Variants in NTM observed in about 807,000 individuals in gnomAD.
NTM encodes the protein IgLON family member 2.
Under a neutral mutation model 42.1 loss-of-function variants are expected in NTM, and 13 were observed. The observed-to-expected ratio is 0.31, with a 90% CI of 0.20 to 0.49. The LOEUF is 0.49. Ranked by LOEUF, NTM falls within the 20% of genes least tolerant of loss-of-function variation. The pLI, the probability that NTM is intolerant of heterozygous loss-of-function variation, is 0.99. For synonymous variants in NTM, 187 were observed against 179.2 expected (o/e 1.04, Z -0.35); for missense variants, 373 against 452.8 (o/e 0.82, Z 1.60).
intron 4 of NTM, among the ~76,000 whole-genome samples, chr11:132,243,833 G>A (rs1213991049): frequency 6.6e-6 from 1 of 152,144 alleles, no homozygotes; most frequent in Non-Finnish European, 1.5e-5. Flanking sequence ...TATGCAGCTG[G>A]CATATTGGCC....
At chr11:131,391,112 T>C (rs1381464713) in intron 1 of NTM, among the ~76,000 whole-genome samples, 2 of 152,208 alleles carry the variant, frequency 1.3e-5, no homozygotes, top group Non-Finnish European at 2.9e-5. Flanking sequence ...CTAAATGTTT[T>C]ATGTGTGATA....
chr11:131,527,613 T>G (rs1480875704), intron 1 of NTM, among the ~76,000 whole-genome samples: 1 of 152,228 alleles, frequency 6.6e-6, no homozygotes, highest in Non-Finnish European at 1.5e-5. Flanking sequence ...GACCCATCCT[T>G]GGAAAAAGCC....
chr11:131,740,061 G>T lies in NTM; in HGVS notation c.83-171503G>T, dbSNP rs1483830831. On this transcript the variant is annotated intron_variant, in intron 1 of 8. Coordinates refer to ENST00000683400, the MANE Select transcript of NTM (RefSeq NM_001352005.2). Reference sequence around the variant, plus strand: ...GACACTTTACTGCGCAGATTGCTGAGTAAGTTACTTTGGTCACCGACTCTC... The same window carrying T: ...GACACTTTACTGCGCAGATTGCTGATTAAGTTACTTTGGTCACCGACTCTC... Among the ~76,000 whole-genome samples the T allele has an allele frequency of 2.6e-5, 4 of 152,338 alleles. No homozygotes were observed. In the East Asian group the frequency reaches 7.7e-4, roughly 29 times the overall value.
intron 1 of NTM, among the ~76,000 whole-genome samples, chr11:131,799,125 T>C (rs2091883994): frequency 1.3e-5 from 2 of 152,224 alleles, no homozygotes; most frequent in African/African-American, 4.8e-5. Context: ...CTTCATTGTT[T>C]ATAACTAATA....
chr11:132,315,121 G>A, intron 7 of NTM: 1 of 980,562 alleles, frequency 1.0e-6, no homozygotes, highest in Middle Eastern at 5.2e-4. Flanking sequence ...AGCTGACTGT[G>A]GGAATCATAA....
chr11:132,080,640 T>C (rs1359532223), intron 2 of NTM, among the ~76,000 whole-genome samples: 1 of 152,212 alleles, frequency 6.6e-6, no homozygotes, highest in Non-Finnish European at 1.5e-5. Flanking sequence ...TGGGAAGCCC[T>C]TTAAGCTTCA....
chr11:131,847,862 C>T (rs2045097271), intron 1 of NTM, among the ~76,000 whole-genome samples: 1 of 152,192 alleles, frequency 6.6e-6, no homozygotes, highest in African/African-American at 2.4e-5. Context: ...TCATCCTCAA[C>T]TGTCAATACT....
chr11:132,293,727 G>C (rs2094528099), intron 4 of NTM, among the ~76,000 whole-genome samples: 1 of 151,860 alleles, frequency 6.6e-6, no homozygotes, highest in Admixed American at 6.6e-5. Flanking sequence ...CAATCAAAAG[G>C]AGAATACTAT....
intron 1 of NTM, among the ~76,000 whole-genome samples, chr11:131,871,398 A>G (rs111490146): frequency 0.016 from 2,383 of 152,332 alleles, 59 homozygotes; most frequent in African/African-American, 0.052. Flanking sequence ...GTGGAATATA[A>G]ATCATGAGTA....
At chr11:131,997,884 G>A (rs1203497463) in intron 2 of NTM, among the ~76,000 whole-genome samples, 1 of 152,080 alleles carries the variant, frequency 6.6e-6, no homozygotes, top group African/African-American at 2.4e-5. Context: ...GCATTTCAGT[G>A]CTTTGAACTG....
chr11:131,625,440 A>G (rs1217618874), intron 1 of NTM, among the ~76,000 whole-genome samples: 1 of 152,172 alleles, frequency 6.6e-6, no homozygotes, highest in East Asian at 1.9e-4. Context: ...GATTAATAGA[A>G]ATTAGTCCAC....
At chr11:131,681,201 G>GCA (rs2072697226) in intron 1 of NTM, among the ~76,000 whole-genome samples, 1 of 58,670 alleles carries the variant, frequency 1.7e-5, no homozygotes, top group African/African-American at 4.7e-5. Flanking sequence ...GTGTATGTGA[G>GCA]TGTGTGTTTC....
chr11:131,789,843 C>G (rs1305372797), intron 1 of NTM, among the ~76,000 whole-genome samples: 2 of 150,070 alleles, frequency 1.3e-5, no homozygotes, highest in Admixed American at 6.6e-5. Context: ...GTAGTCCCAG[C>G]TACACGGGAG....
intron 1 of NTM, among the ~76,000 whole-genome samples, chr11:131,452,124 G>C (rs1157724466): frequency 1.3e-5 from 2 of 152,224 alleles, no homozygotes; most frequent in African/African-American, 4.8e-5. Context: ...AGTGGGGGGA[G>C]GGATTGATGC....
At chr11:131,811,775 T>G (rs184250684) in intron 1 of NTM, among the ~76,000 whole-genome samples, 1 of 152,124 alleles carries the variant, frequency 6.6e-6, no homozygotes, top group Non-Finnish European at 1.5e-5. Context: ...GAGGGGAAGA[T>G]AAGAGGCACA....
At chr11:132,036,545 A>G (rs1014800806) in intron 2 of NTM, among the ~76,000 whole-genome samples, 3 of 152,148 alleles carry the variant, frequency 2.0e-5, no homozygotes, top group Non-Finnish European at 2.9e-5. Flanking sequence ...TCAGGGAGAA[A>G]TGATGAGAAG....
In NTM at chr11:131,655,839, C is replaced by T. The variant is rs570838306; in HGVS notation, c.83-255725C>T. ...GTGCTGCTCAGAGAAATTCTAGTCT[C>T]CACTGGAAGACCCAGAGCAGCATAG... On this transcript the variant is annotated intron_variant, in intron 1 of 8. Coordinates refer to ENST00000683400, the MANE Select transcript of NTM (RefSeq NM_001352005.2). Among the ~76,000 whole-genome samples, 130 of 152,226 alleles carry T rather than the reference C, an allele frequency of 8.5e-4. 6 individuals are homozygous for T. The highest frequency in any genetic ancestry group is 1.8e-4 in the Non-Finnish European group (12 of 68,044).
chr11:132,315,004 G>C, intron 7 of NTM: 1 of 1,147,298 alleles, frequency 8.7e-7, no homozygotes, highest in Non-Finnish European at 1.1e-6. Flanking sequence ...GAAAAAGAAT[G>C]TTCATGTTTC....
At chr11:132,049,438 G>A (rs1179996163) in intron 2 of NTM, among the ~76,000 whole-genome samples, 1 of 152,156 alleles carries the variant, frequency 6.6e-6, no homozygotes, top group East Asian at 1.9e-4. Flanking sequence ...GAGAGGCTAG[G>A]CTGGGGCAGG....
Sources: gnomAD v4.1 joint callset for allele counts (sites outside exome capture counted in the v4.1 genomes callset) on GRCh38, gnomAD v4.1.1 for gene constraint, MANE v1.5 for transcripts, NCBI Gene and HGNC (gene_info 2026-07-23, HGNC 2026-07-21) for gene names.